The following IQCE variants were observed in gnomAD, a reference collection of about 807,000 sequenced individuals.
The protein encoded by IQCE is IQ motif containing E.
A neutral mutation model predicts 96.0 loss-of-function variants in IQCE; 115 were observed. That is an observed-to-expected ratio of 1.20 (90% CI 1.03 to 1.40). The LOEUF (loss-of-function observed/expected upper bound fraction) is 1.40. Ranked by LOEUF, IQCE falls within the 40% of genes most tolerant of loss-of-function variation. The pLI, the probability that IQCE is intolerant of heterozygous loss-of-function variation, is 0.00. For synonymous variants in IQCE, 412 were observed against 371.2 expected, an observed-to-expected ratio of 1.11 and a Z score of -1.26; for missense variants, 1,041 against 909.1, an observed-to-expected ratio of 1.15 and a Z score of -1.87.
chr7:2,575,291 C>G (rs1214785260), intron 6 of IQCE, among the ~76,000 whole-genome samples: 3 of 152,242 alleles, frequency 2.0e-5, no homozygotes, highest in Admixed American at 1.3e-4. Context: ...AGTTCCCACT[C>G]AGCCATCATC....
rs184414928 is a variant in IQCE at position 2,567,562 on chromosome 7, T to A, written c.84+399T>A. Among the ~76,000 whole-genome samples the A allele has an allele frequency of 8.1e-4, 123 of 152,286 alleles. 3 individuals carry two copies. The highest frequency in any genetic ancestry group is 7.3e-3 in the Admixed American group (111 of 15,296). ...TCCCAAGCTGAACTGCTGCCTGGCCTCCCAGCCCGGAAAGGAGAGGGGCAG... is the reference window on the plus strand; with the variant it reads ...TCCCAAGCTGAACTGCTGCCTGGCCACCCAGCCCGGAAAGGAGAGGGGCAG... On this transcript the variant is annotated intron_variant, in intron 2 of 21. Transcript: ENST00000402050.
chr7:2,571,219 G>T (rs545825202), intron 3 of IQCE, among the ~76,000 whole-genome samples: 10 of 152,140 alleles, frequency 6.6e-5, no homozygotes, highest in South Asian at 6.2e-4. Flanking sequence ...GGGTCTTGTT[G>T]TATTGCCCAG....
chr7:2,581,354 T>A (rs1365197277), intron 8 of IQCE, among the ~76,000 whole-genome samples: 2 of 150,664 alleles, frequency 1.3e-5, no homozygotes. Context: ...TACAAGCACC[T>A]ACCACCATGC....
At position 2,613,969 on chromosome 7, in the gene IQCE, G is replaced by T. The variant is rs767872404; in HGVS notation, c.*3807G>T. ...GGACAAAGTAGCTTTTTCTTTGCTC[G>T]TTTGTCTGTGTATTAAGAAGAGACT... is the stretch of plus-strand genomic sequence containing the variant. On this transcript the variant is annotated 3_prime_UTR_variant, in exon 22 of 22. Coordinates refer to ENST00000402050, the MANE Select transcript of IQCE (RefSeq NM_152558.5). 1 of 152,104 alleles carries T rather than the reference G, an allele frequency of 6.6e-6. No homozygotes were observed. The allele number at this position is 152,104 out of a possible 1,614,324, so 9.4% of individuals were successfully genotyped here.
intron 21 of IQCE, 31 bp downstream of exon 21, chr7:2,607,258 G>C (rs770784607): frequency 1.2e-6 from 2 of 1,613,478 alleles, no homozygotes; most frequent in South Asian, 2.2e-5. Flanking sequence ...TCTGGCACCA[G>C]GGCAGCTGGT....
chr7:2,574,737 A>G (rs1781994392), intron 6 of IQCE, among the ~76,000 whole-genome samples: 1 of 152,170 alleles, frequency 6.6e-6, no homozygotes, highest in Non-Finnish European at 1.5e-5. Flanking sequence ...CTCTTTGGTT[A>G]CGGCTGCTCA....
intron 18 of IQCE, 117 bp downstream of exon 18, chr7:2,601,581 G>C (rs768034988): frequency 2.4e-6 from 2 of 829,874 alleles, no homozygotes; most frequent in South Asian, 2.8e-5. Flanking sequence ...ATGGAATCTC[G>C]CTCTGTGGCC....
Position 2,586,384 on chromosome 7 carries a change from A to T in IQCE, c.988+13A>T, listed in dbSNP as rs1783114910. The T allele has an allele frequency of 1.3e-6, 2 of 1,594,754 alleles. No individual in the cohort carries two copies. The highest frequency in any genetic ancestry group is 1.7e-6 in the Non-Finnish European group (2 of 1,174,878). On this transcript the variant is annotated intron_variant, in intron 12 of 21. Coordinates refer to ENST00000402050, the MANE Select transcript of IQCE (RefSeq NM_152558.5). Reference sequence around the variant, plus strand: ...TCCAAGACACAGGGTACCTTCCTGAAAGCCACTCCAGGAGGGAGGCCAGGG... The same window carrying T: ...TCCAAGACACAGGGTACCTTCCTGATAGCCACTCCAGGAGGGAGGCCAGGG...
Position 2,571,669 on chromosome 7 carries a change from C to A in IQCE, c.259+15C>A. On this transcript the variant is annotated intron_variant, in intron 4 of 21. Coordinates refer to ENST00000402050, the MANE Select transcript of IQCE (RefSeq NM_152558.5). ...CGCAAAGCCAGGTATGTGGTTGTCG[C>A]ACTGGAGACCCTTCCTGCTTGAGAG... 1 of 1,594,690 alleles carries A rather than the reference C, an allele frequency of 6.3e-7. No homozygotes were observed. The highest frequency in any genetic ancestry group is 8.5e-7 in the Non-Finnish European group (1 of 1,177,116).
chr7:2,572,755 G>GCTGGT, intron 5 of IQCE: 1 of 456,336 alleles, frequency 2.2e-6, no homozygotes, highest in South Asian at 1.6e-5. Flanking sequence ...TGTTGCCCAG[G>GCTGGT]CTGGTCTCAA....
intron 16 of IQCE, among the ~76,000 whole-genome samples, chr7:2,597,346 G>A (rs188935222): frequency 1.3e-5 from 2 of 152,380 alleles, no homozygotes; most frequent in East Asian, 1.9e-4. Context: ...CGTGCCCGAA[G>A]GCAGGCCCTT....
rs1276979370 is a variant in IQCE at position 2,611,657 on chromosome 7, G to A, written c.*1495G>A. The A allele has an allele frequency of 1.4e-5, 2 of 146,944 alleles. No individual in the cohort carries two copies. The highest frequency in any genetic ancestry group is 1.4e-4 in the Admixed American group (2 of 14,394). 9.1% of individuals were successfully genotyped at this position (146,944 alleles called of 1,614,324 possible). A position where few individuals can be genotyped will look rare whatever the true frequency, so the allele number is the denominator to read the frequency against. ...GACACAGGTGTCCCCAGCCCAGCCT[G>A]TTCTCTCCCAGTCACTCAGGGATGG... On this transcript the variant is annotated 3_prime_UTR_variant, in exon 22 of 22. Transcript: ENST00000402050.
intron 18 of IQCE, 101 bp from the exon 19 acceptor site, chr7:2,604,780 C>A (rs1393959746): frequency 1.3e-6 from 1 of 768,542 alleles, no homozygotes; most frequent in Non-Finnish European, 2.2e-6. Flanking sequence ...GAGTCACGTT[C>A]CCTGCTGCCG....
chr7:2,601,186 C>T (rs1426148833), intron 17 of IQCE, among the ~76,000 whole-genome samples: 1 of 152,226 alleles, frequency 6.6e-6, no homozygotes, highest in African/African-American at 2.4e-5. Context: ...GGCACAGAGA[C>T]GTCCCTTCAT....
chr7:2,604,850 A>T, intron 18 of IQCE, 31 bp from the exon 19 acceptor site: 1 of 1,576,422 alleles, frequency 6.3e-7, no homozygotes, highest in African/African-American at 1.3e-5. Flanking sequence ...ACTCACACCC[A>T]CTTTTCTCTC....
At chr7:2,560,265 C>A (rs1477649784) in intron 1 of IQCE, among the ~76,000 whole-genome samples, 1 of 152,192 alleles carries the variant, frequency 6.6e-6, no homozygotes, top group Non-Finnish European at 1.5e-5. Flanking sequence ...AAAGAAAGCC[C>A]GTTGGGACGC....
At chr7:2,560,499 A>C (rs1780865018) in intron 1 of IQCE, among the ~76,000 whole-genome samples, 1 of 152,202 alleles carries the variant, frequency 6.6e-6, no homozygotes, top group Non-Finnish European at 1.5e-5. Context: ...GAGCAGCTGA[A>C]GTTGCCTGCT....
At chr7:2,587,694 G>T (rs1473412713) in intron 12 of IQCE, 128 bp from the exon 13 acceptor site, 3 of 876,664 alleles carry the variant, frequency 3.4e-6, no homozygotes, top group South Asian at 2.9e-5. Context: ...AGGACCTGTC[G>T]GTGTGGCTCT....
intron 20 of IQCE, 64 bp downstream of exon 20, chr7:2,606,061 G>A: frequency 2.6e-6 from 4 of 1,528,974 alleles, no homozygotes; most frequent in Non-Finnish European, 2.6e-6. Flanking sequence ...ACCGCACTGG[G>A]CCCGGAGCAC....
Sources: gnomAD v4.1 joint callset for allele counts (sites outside exome capture counted in the v4.1 genomes callset) on GRCh38, gnomAD v4.1.1 for gene constraint, MANE v1.5 for transcripts, NCBI Gene and HGNC (gene_info 2026-07-23, HGNC 2026-07-21) for gene names.